Variants in MSC observed in about 807,000 individuals in gnomAD.
MSC encodes musculin.
A neutral mutation model predicts 14.4 loss-of-function variants in MSC; 16 were observed. That is an observed-to-expected ratio of 1.11 (90% confidence interval 0.75 to 1.69). The LOEUF is 1.69. MSC is among the 40% of genes most tolerant of loss of function. MSC has a pLI of 0.00. For synonymous variants in MSC, 165 were observed against 128.5 expected (o/e 1.28, Z -1.92); for missense variants, 320 against 288.1 (o/e 1.11, Z -0.80).
intron 1 of MSC, 63 bp downstream of exon 1, chr8:71,843,582 G>A: frequency 6.2e-7 from 1 of 1,608,626 alleles, no homozygotes. Flanking sequence ...CCTGCCCGGC[G>A]CCCAGGAGCG....
chr8:71,844,121 C>A lies in MSC; in HGVS notation c.58G>T (p.Glu20Ter). The part of the protein sequence containing the change: ...EEMELRGLQR[E>*]YPVPASKRPP... ...CTCTTGGAGGCGGGGACCGGGTACTCCCGCTGCAGCCCCCGAAGCTCCATC... is the reference window on the plus strand; with the variant it reads ...CTCTTGGAGGCGGGGACCGGGTACTACCGCTGCAGCCCCCGAAGCTCCATC... The change falls in exon 1 of 2, where the codon GAG becomes TAG. Residue 20 changes from glutamate (E) to a stop codon, truncating the protein, a stop_gained. Coordinates refer to ENST00000325509, the MANE Select transcript of MSC (RefSeq NM_005098.4). LOFTEE classifies it high-confidence loss of function. The A allele has an allele frequency of 6.6e-7, 1 of 1,525,124 alleles. No individual in the cohort carries two copies. The highest frequency in any genetic ancestry group is 8.8e-7 in the Non-Finnish European group (1 of 1,137,440). The allele number at this position is 1,525,124 out of a possible 1,614,324, so 94.5% of individuals were successfully genotyped here.
Position 71,843,638 on chromosome 8 carries a change from C to A in MSC, c.534+7G>T, listed in dbSNP as rs1368456156. On this transcript the variant is annotated splice_region_variant and intron_variant, in intron 1 of 1. Transcript: ENST00000325509. ...CTCTCCCGAATCCTTGCGCGCCGCG[C>A]CCCTACCAGGTTCACTGGGTGCACG... 6.2e-7 allele frequency: 1 copy of A among 1,614,132 alleles called. No homozygotes were observed. The highest frequency in any genetic ancestry group is 8.5e-7 in the Non-Finnish European group (1 of 1,180,012).
rs760233781 is a variant in MSC, at chr8:71,844,168, C to T, written c.11G>A (p.Gly4Asp). ...CATCTCCTCCGGATCACTCACCGAGCCCGTGGACATCCCGTTGTCCCCCTT... is the reference window on the plus strand; with the variant it reads ...CATCTCCTCCGGATCACTCACCGAGTCCGTGGACATCCCGTTGTCCCCCTT... MST[G>D]SVSDPEEMEL... The change falls in exon 1 of 2, where the codon GGC (glycine) becomes GAC (aspartate). Residue 4 changes from glycine to aspartate, a missense_variant. Transcript: ENST00000325509. The T allele has an allele frequency of 1.3e-6, 2 of 1,560,970 alleles. No homozygotes were observed. Among genetic ancestry groups the T allele is most frequent in the South Asian group, 2.4e-5 (2 of 83,620 alleles).
In MSC at chr8:71,842,484, C is replaced by T; in HGVS notation, c.*177G>A. 1 of 686,076 alleles carries T rather than the reference C, an allele frequency of 1.5e-6. No homozygotes were observed. The highest frequency in any genetic ancestry group is 2.6e-6 in the Non-Finnish European group (1 of 381,650). The allele number at this position is 686,076 out of a possible 1,614,324, so 42.5% of individuals were successfully genotyped here. A position where few individuals can be genotyped will look rare whatever the true frequency, so the allele number is the denominator to read the frequency against. On this transcript the variant is annotated 3_prime_UTR_variant, in exon 2 of 2. Transcript: ENST00000325509. ...GATCCGGCGCAGCTGTAGCCGTGGG[C>T]GCTGTGCAGTGACAGCCACACCCGC... is the stretch of plus-strand genomic sequence containing the variant.
intron 1 of MSC, chr8:71,843,014 G>A (rs1807417350): frequency 1.6e-5 from 6 of 375,620 alleles, no homozygotes; most frequent in Non-Finnish European, 3.0e-5. Flanking sequence ...AGGTTCTGTC[G>A]TTTAGTTCCC....
Position 71,844,033 on chromosome 8 carries a change from T to G in MSC, c.146A>C (p.Glu49Ala), listed in dbSNP as rs747110176. 3.2e-6 allele frequency: 5 copies of G among 1,575,930 alleles called. No homozygotes were observed. In the South Asian group the frequency reaches 5.9e-5, roughly 18 times the overall value. The change falls in exon 1 of 2, where the codon GAG becomes GCG. Residue 49 changes from glutamate (E) to alanine (A), a missense_variant. Glu to Ala is a moderately radical substitution (Grantham distance 107, BLOSUM62 -1). Coordinates refer to ENST00000325509, the MANE Select transcript of MSC (RefSeq NM_005098.4). ...CTCCTCCTCGCCGTCGGGGTCCTCC[T>G]CCTCTGCCGACGAGTTGTCACTGGG... ...ASPSDNSSAE[E>A]EDPDGEEERC...
intron 1 of MSC, chr8:71,843,434 A>G (rs1011212093): frequency 1.4e-6 from 1 of 703,968 alleles, no homozygotes; most frequent in Non-Finnish European, 2.5e-6. Context: ...GTTCAGAACG[A>G]TGCAAACAGA....
chr8:71,844,239 T>A lies in MSC; in HGVS notation c.-61A>T. ...CTCCCCCCTGGCCAGTCTCGCTGTC[T>A]CCGCCTTCCGCTCCCTGGCGGAGGC... On this transcript the variant is annotated 5_prime_UTR_variant, in exon 1 of 2. Coordinates refer to ENST00000325509, the MANE Select transcript of MSC (RefSeq NM_005098.4). The A allele has an allele frequency of 6.2e-7, 1 of 1,601,104 alleles. No homozygotes were observed. Among genetic ancestry groups the A allele is most frequent in the Non-Finnish European group, 8.5e-7 (1 of 1,175,316 alleles).
chr8:71,842,950 G>A, intron 1 of MSC: 2 of 517,170 alleles, frequency 3.9e-6, no homozygotes, highest in Non-Finnish European at 7.1e-6. Context: ...ATCCGTTCAC[G>A]CTTCTTCCTG....
In MSC at chr8:71,844,116, G is replaced by T; in HGVS notation, c.63C>A (p.Tyr21Ter). 1.3e-6 allele frequency: 2 copies of T among 1,525,248 alleles called. No individual in the cohort carries two copies. The highest frequency in any genetic ancestry group is 1.3e-5 in the South Asian group (1 of 76,618). 94.5% of individuals were successfully genotyped at this position (1,525,248 alleles called of 1,614,324 possible). The change falls in exon 1 of 2, where the codon TAC (tyrosine) becomes TAA (stop). Residue 21 changes from tyrosine to a stop codon, truncating the protein, a stop_gained. Coordinates refer to ENST00000325509, the MANE Select transcript of MSC (RefSeq NM_005098.4). LOFTEE classifies it high-confidence loss of function. ...EMELRGLQRE[Y>*]PVPASKRPPL... is the part of the protein sequence containing the mutation. ...GCGGCCTCTTGGAGGCGGGGACCGG[G>T]TACTCCCGCTGCAGCCCCCGAAGCT...
Position 71,842,508 on chromosome 8 carries a change from G to C in MSC, c.*153C>G, listed in dbSNP as rs1585712736. ...GCGCTGTGCAGTGACAGCCACACCC[G>C]CCACCTGTCACGATCACAGTTCCAG... On this transcript the variant is annotated 3_prime_UTR_variant, in exon 2 of 2. Transcript: ENST00000325509. 21 of 791,048 alleles carry C rather than the reference G, an allele frequency of 2.7e-5. No homozygotes were observed. The highest frequency in any genetic ancestry group is 4.6e-5 in the Non-Finnish European group (21 of 458,542). 49.0% of individuals were successfully genotyped at this position (791,048 alleles called of 1,614,324 possible). A position where few individuals can be genotyped will look rare whatever the true frequency, so the allele number is the denominator to read the frequency against.
rs756252095 is a variant in MSC at position 71,844,282 on chromosome 8, C to A, written c.-104G>T. Reference sequence around the variant, plus strand: ...GCGGAGGCGGAGGCCAGAGAGCGCTCCAAGGAAGACTAAAAACCCAGGCCG... The same window carrying A: ...GCGGAGGCGGAGGCCAGAGAGCGCTACAAGGAAGACTAAAAACCCAGGCCG... On this transcript the variant is annotated 5_prime_UTR_variant, in exon 1 of 2. Transcript: ENST00000325509. The A allele has an allele frequency of 1.3e-6, 2 of 1,518,838 alleles. No individual in the cohort carries two copies. Among genetic ancestry groups the A allele is most frequent in the Non-Finnish European group, 1.8e-6 (2 of 1,115,724 alleles). The allele number at this position is 1,518,838 out of a possible 1,614,324, so 94.1% of individuals were successfully genotyped here.
Position 71,842,638 on chromosome 8 carries a change from C to T in MSC, c.*23G>A, listed in dbSNP as rs200639659. ...AACACTCGCATTTAACGAATAATCC[C>T]ATCAAGTGAGTTCCAGTCCGATTTA... On this transcript the variant is annotated 3_prime_UTR_variant, in exon 2 of 2. Coordinates refer to ENST00000325509, the MANE Select transcript of MSC (RefSeq NM_005098.4). 754 of 1,611,200 alleles carry T rather than the reference C, an allele frequency of 4.7e-4. 6 individuals are homozygous for T. The African/African-American group carries it at 9.1e-3, about 19-fold the overall frequency.
Position 71,842,559 on chromosome 8 carries a change from C to A in MSC, c.*102G>T. The A allele has an allele frequency of 9.0e-7, 1 of 1,117,294 alleles. No individual in the cohort carries two copies. Among genetic ancestry groups the A allele is most frequent in the South Asian group, 1.2e-5 (1 of 80,394 alleles). The allele number at this position is 1,117,294 out of a possible 1,614,324, so 69.2% of individuals were successfully genotyped here. ...GGAAAGGGGAAGGGTCAAGGAGAAT[C>A]CAGCGGAAACTTCTTCCCATCTCAC... is the stretch of plus-strand genomic sequence containing the variant. On this transcript the variant is annotated 3_prime_UTR_variant, in exon 2 of 2. Transcript: ENST00000325509.
Position 71,843,930 on chromosome 8 carries a change from T to TGCG in MSC, c.246_248dup (p.Ala83dup). 6.4e-7 allele frequency: 1 copy of TGCG among 1,567,034 alleles called. No homozygotes were observed. The highest frequency in any genetic ancestry group is 8.6e-7 in the Non-Finnish European group (1 of 1,158,432). ...TGCCACCACCGCCCGCGCTACCACC[T>TGCG]GCGCCGCCGCCCCCAGCCACACGGG... is the stretch of plus-strand genomic sequence containing the variant. On this transcript the variant is annotated inframe_insertion, in exon 1 of 2. Coordinates refer to ENST00000325509, the MANE Select transcript of MSC (RefSeq NM_005098.4).
At position 71,842,657 on chromosome 8, in the gene MSC, C is replaced by G; in HGVS notation, c.*4G>C. 1 of 1,613,916 alleles carries G rather than the reference C, an allele frequency of 6.2e-7. No homozygotes were observed. The highest frequency in any genetic ancestry group is 8.5e-7 in the Non-Finnish European group (1 of 1,179,840). Reference sequence around the variant, plus strand: ...TAATCCCATCAAGTGAGTTCCAGTCCGATTTAAGCGGTGGTTCCACATAGT... The same window carrying G: ...TAATCCCATCAAGTGAGTTCCAGTCGGATTTAAGCGGTGGTTCCACATAGT... On this transcript the variant is annotated 3_prime_UTR_variant, in exon 2 of 2. Coordinates refer to ENST00000325509, the MANE Select transcript of MSC (RefSeq NM_005098.4).
At chr8:71,843,420 C>G (rs1807435144) in intron 1 of MSC, 1 of 667,938 alleles carries the variant, frequency 1.5e-6, no homozygotes, top group Non-Finnish European at 2.7e-6. Flanking sequence ...CACTGGGGTA[C>G]AATGTTCAGA....
In MSC at chr8:71,844,031, C is replaced by T. The variant is rs996595819; in HGVS notation, c.148G>A (p.Glu50Lys). ...CGCTCCTCCTCGCCGTCGGGGTCCT[C>T]CTCCTCTGCCGACGAGTTGTCACTG... ...SPSDNSSAEE[E>K]DPDGEEERCA... is the part of the protein sequence containing the mutation. Residue 50 changes from glutamate to lysine, a missense_variant, in exon 1 of 2, where the codon GAG becomes AAG. Transcript: ENST00000325509. The T allele has an allele frequency of 5.1e-6, 8 of 1,576,216 alleles. No homozygotes were observed. The highest frequency in any genetic ancestry group is 6.9e-6 in the Non-Finnish European group (8 of 1,163,824).
At chr8:71,843,078 ACACAGTCATCCACTC>A in intron 1 of MSC, 1 of 355,844 alleles carries the variant, frequency 2.8e-6, no homozygotes, top group African/African-American at 2.2e-5. Flanking sequence ...ACACACACAC[ACACAGTCATCCACTC>A]CAAGCTCCAA....
Sources: allele counts gnomAD v4.1 joint callset, GRCh38; gene constraint gnomAD v4.1.1; transcripts MANE v1.5; gene names NCBI Gene and HGNC (gene_info 2026-07-23, HGNC 2026-07-21).